CCDC57: variants seen among roughly 807,000 people sequenced by gnomAD.
CCDC57 encodes coiled-coil domain containing 57.
In CCDC57, 118 loss-of-function variants were observed where a neutral mutation model predicts 118.9. That is an observed-to-expected ratio of 0.99 (90% CI 0.86 to 1.16). CCDC57 has a LOEUF of 1.16. CCDC57 is among the 50% of genes most tolerant of loss of function. The pLI, the probability that CCDC57 is intolerant of heterozygous loss-of-function variation, is 0.00. For synonymous variants in CCDC57, 527 were observed against 532.9 expected, an observed-to-expected ratio of 0.99 and a Z score of 0.15; for missense variants, 1,300 against 1,320.7, an observed-to-expected ratio of 0.98 and a Z score of 0.24.
rs752702265 is a variant in CCDC57, at chr17:82,157,899, C to T, written c.2090G>A (p.Arg697His). 27 of 1,567,792 alleles carry T rather than the reference C, an allele frequency of 1.7e-5. No individual in the cohort carries two copies. The highest frequency in any genetic ancestry group is 7.0e-5 in the South Asian group (6 of 85,110). ...CTCCAGGTGTACCTGGTCCACCTCA[C>T]GGGGAAGCTCACGCTGGAGAGCGGC... Residue 697 changes from arginine (R) to histidine (H), a missense_variant, in exon 15 of 20, where the codon CGT (arginine) becomes CAT (histidine). Arg to His is a conservative substitution (Grantham distance 29). Transcript: ENST00000665763.
At chr17:82,189,782 G>A (rs4789726) in intron 7 of CCDC57, among the ~76,000 whole-genome samples, 57 of 152,248 alleles carry the variant, frequency 3.7e-4, no homozygotes, top group African/African-American at 1.1e-3. Context: ...GAACCCGGGA[G>A]GCAGAGGTTG....
At chr17:82,139,631 C>T (rs1313842844) in intron 16 of CCDC57, among the ~76,000 whole-genome samples, 3 of 151,492 alleles carry the variant, frequency 2.0e-5, no homozygotes, top group African/African-American at 7.3e-5. Context: ...GCTGGGATTA[C>T]AGGCGTAAGC....
At chr17:82,178,181 T>G (rs1465290751) in intron 11 of CCDC57, among the ~76,000 whole-genome samples, 1 of 152,228 alleles carries the variant, frequency 6.6e-6, no homozygotes. Flanking sequence ...TAAAATGACC[T>G]GCTGTGACAG....
exon 15 of CCDC57, chr17:82,157,879 G>A (rs371490268): frequency 4.4e-6 from 7 of 1,578,016 alleles, no homozygotes; most frequent in Admixed American, 1.8e-5. Context: ...AAAACCTCCA[G>A]GTGTACCTGG....
At position 82,192,160 on chromosome 17, in the gene CCDC57, T is replaced by C. The variant is rs988245850; in HGVS notation, c.851+1596A>G. 6.6e-6 allele frequency among the ~76,000 whole-genome samples: 1 copy of C among 152,040 alleles called. No homozygotes were observed. Among genetic ancestry groups the C allele is most frequent in the African/African-American group, 2.4e-5 (1 of 41,380 alleles). On this transcript the variant is annotated intron_variant, in intron 7 of 19. Coordinates refer to ENST00000665763, the Ensembl canonical transcript of CCDC57. The surrounding 1 kb of genome is among the most constrained non-coding windows in gnomAD (Gnocchi z 4.0). ...ACCACCACGCCCGGCTAATTTTGTA[T>C]TTTTCGTAGAGACGGGGTTTCACCA...
chr17:82,126,444 A>T, intron 19 of CCDC57: 1 of 979,284 alleles, frequency 1.0e-6, no homozygotes, highest in Non-Finnish European at 1.2e-6. Context: ...AATTTCTATC[A>T]CATATAATGA....
At chr17:82,133,306 C>T (rs1224972916) in intron 17 of CCDC57, among the ~76,000 whole-genome samples, 2 of 150,930 alleles carry the variant, frequency 1.3e-5, no homozygotes, top group East Asian at 1.9e-4. Flanking sequence ...CCTAGGAAGC[C>T]GAGGCTGCAG....
intron 14 of CCDC57, among the ~76,000 whole-genome samples, chr17:82,161,770 G>A (rs538596070): frequency 6.6e-6 from 1 of 152,248 alleles, no homozygotes; most frequent in East Asian, 1.9e-4. Context: ...TGTGGTTATT[G>A]TACCGAGCTT....
chr17:82,129,693 T>C (rs7502548), intron 17 of CCDC57, among the ~76,000 whole-genome samples: 81,472 of 152,014 alleles, frequency 0.54, 22,681 homozygotes, highest in Non-Finnish European at 0.58. Context: ...TTTGTCTTTT[T>C]CTTATTGATC....
At chr17:82,121,046 C>T (rs146734830) in intron 19 of CCDC57, among the ~76,000 whole-genome samples, 127 of 152,218 alleles carry the variant, frequency 8.3e-4, no homozygotes, top group African/African-American at 3.0e-3. Flanking sequence ...TGAGCTACCG[C>T]GCCCGGCCTC....
At chr17:82,186,081 G>A (rs1011434066) in intron 8 of CCDC57, among the ~76,000 whole-genome samples, 1 of 151,930 alleles carries the variant, frequency 6.6e-6, no homozygotes, top group African/African-American at 2.4e-5. Flanking sequence ...CTCCCAAAGT[G>A]CTGGGATTAG....
intron 2 of CCDC57, among the ~76,000 whole-genome samples, chr17:82,206,361 C>A (rs955544223): frequency 2.6e-5 from 4 of 152,244 alleles, no homozygotes; most frequent in Admixed American, 1.3e-4. Context: ...TCTTTTGTTG[C>A]AATGTTGGGC....
At chr17:82,128,675 AT>A (rs2037852965) in intron 17 of CCDC57, 78 bp from the exon 17 acceptor site, 2 of 1,184,194 alleles carry the variant, frequency 1.7e-6, no homozygotes, top group South Asian at 2.7e-5. Flanking sequence ...TTCCCACAAG[AT>A]TGGGAAGAAA....
intron 19 of CCDC57, among the ~76,000 whole-genome samples, chr17:82,126,148 C>T (rs1483018700): frequency 2.0e-5 from 3 of 151,770 alleles, no homozygotes; most frequent in Non-Finnish European, 4.4e-5. Flanking sequence ...GGAGTGGTGG[C>T]GGGTGCCTGT....
Position 82,172,907 on chromosome 17 carries a change from C to A in CCDC57, c.1507-47G>T. On this transcript the variant is annotated intron_variant, in intron 11 of 19. Transcript: ENST00000665763. This position sits in a 1 kb window ranked among gnomAD's most constrained non-coding sequence, Gnocchi z 5.2. The stretch of plus-strand genomic sequence containing the variant: ...GGCTACAAAAAGATGAATGGTTCCC[C>A]AGCTTGTCCTGACAGGCTGTGCCTC... 6.5e-7 allele frequency: 1 copy of A among 1,534,920 alleles called. No homozygotes were observed. The highest frequency in any genetic ancestry group is 1.2e-5 in the South Asian group (1 of 85,106).
chr17:82,176,759 G>A (rs2045560346), intron 11 of CCDC57, among the ~76,000 whole-genome samples: 1 of 152,032 alleles, frequency 6.6e-6, no homozygotes, highest in Admixed American at 6.5e-5. Context: ...CTTCCAACAA[G>A]GAAGGCAAGT....
chr17:82,119,515 G>A (rs1268888211), intron 19 of CCDC57, among the ~76,000 whole-genome samples: 1 of 152,086 alleles, frequency 6.6e-6, no homozygotes. Context: ...CAGACCGATA[G>A]AATCAAGTTT....
intron 16 of CCDC57, among the ~76,000 whole-genome samples, chr17:82,142,963 G>A (rs755129119): frequency 1.3e-5 from 2 of 152,040 alleles, no homozygotes; most frequent in Non-Finnish European, 2.9e-5. Flanking sequence ...TCAGGAGTTC[G>A]AGATCAACCT....
chr17:82,184,298 T>C (rs2046669358), intron 8 of CCDC57, among the ~76,000 whole-genome samples: 1 of 151,826 alleles, frequency 6.6e-6, no homozygotes, highest in East Asian at 1.9e-4. Context: ...CCCACAGTCA[T>C]GAGGTAGCAA....
Sources: allele counts gnomAD v4.1 joint callset (sites outside exome capture counted in the v4.1 genomes callset), GRCh38; gene constraint gnomAD v4.1.1; non-coding constraint Gnocchi (gnomAD v3.1); transcripts MANE v1.5; gene names NCBI Gene and HGNC (gene_info 2026-07-23, HGNC 2026-07-21).